CHST7: variants seen among roughly 807,000 people sequenced by gnomAD.
The protein encoded by CHST7 is N-acetylglucosamine 6-O-sulfotransferase 4.
In CHST7, 5 loss-of-function variants were observed where a neutral mutation model predicts 9.0. The ratio of observed to expected loss-of-function variants is 0.56; its 90% CI spans 0.29 to 1.17. The LOEUF (loss-of-function observed/expected upper bound fraction) is 1.17. Among genes scored for constraint, CHST7 ranks in the 50% most tolerant of loss-of-function variants. The pLI, the probability that CHST7 is intolerant of heterozygous loss-of-function variation, is 0.08. For synonymous variants in CHST7, 244 were observed against 237.1 expected, an observed-to-expected ratio of 1.03 and a Z score of -0.27; for missense variants, 377 against 485.1, an observed-to-expected ratio of 0.78 and a Z score of 2.09.
Position 46,574,042 on chromosome X carries a change from C to A in CHST7, c.111C>A (p.Asp37Glu), listed in dbSNP as rs771837285. 4 of 1,164,337 alleles carry A rather than the reference C, an allele frequency of 3.4e-6. No homozygotes were observed. The East Asian group carries it at 1.3e-4, about 37-fold the overall frequency. The change falls in exon 1 of 2, where the codon GAC becomes GAA. Residue 37 changes from aspartate to glutamate, a missense_variant. Asp to Glu is a conservative substitution (Grantham distance 45, BLOSUM62 2). Coordinates refer to ENST00000276055, the MANE Select transcript of CHST7 (RefSeq NM_019886.4). ...CCTCCGTATTGGACGGCGGCCGCGACGGGGACAAGGGCGCCGAGCACTGCC... is the reference window on the plus strand; with the variant it reads ...CCTCCGTATTGGACGGCGGCCGCGAAGGGGACAAGGGCGCCGAGCACTGCC... The part of the protein sequence containing the change: ...LVPSVLDGGR[D>E]GDKGAEHCPG...
At chrX:46,594,464 T>C (rs1421119955) in intron 1 of CHST7, among the ~76,000 whole-genome samples, 3 of 108,366 alleles carry the variant, frequency 2.8e-5, no homozygotes, top group African/African-American at 1.0e-4. Flanking sequence ...GAGGCGGAGG[T>C]TGCAGTGAGC....
chrX:46,579,091 C>G (rs1002775031), intron 1 of CHST7, among the ~76,000 whole-genome samples: 4 of 110,888 alleles, frequency 3.6e-5, no homozygotes, highest in Non-Finnish European at 7.5e-5. Context: ...GGTTCATCCC[C>G]TGGGCCAGAT....
intron 1 of CHST7, among the ~76,000 whole-genome samples, chrX:46,596,135 C>CAA (rs1173757914): frequency 7.7e-5 from 5 of 64,706 alleles, no homozygotes; most frequent in East Asian, 4.9e-4. Flanking sequence ...TAGACTCTGT[C>CAA]AAAAAAAAAA....
Position 46,575,410 on chromosome X carries a change from C to T in CHST7, c.*18C>T, listed in dbSNP as rs961173933. On this transcript the variant is annotated 3_prime_UTR_variant, in exon 1 of 2. Transcript: ENST00000276055. ...CCACGTAGCCTCCCATCCCTGTCCC[C>T]GGCACGGATCCGGGTAAGGTGGCCC... The T allele has an allele frequency of 7.8e-6, 8 of 1,020,605 alleles. No individual in the cohort carries two copies. The highest frequency in any genetic ancestry group is 5.1e-5 in the Admixed American group (1 of 19,651). The allele number at this position is 1,020,605 out of a possible 1,213,427, so 84.1% of individuals were successfully genotyped here.
intron 1 of CHST7, among the ~76,000 whole-genome samples, chrX:46,595,117 C>T (rs1039829092): frequency 8.9e-6 from 1 of 112,312 alleles, no homozygotes; most frequent in African/African-American, 3.2e-5. Context: ...AAAAATTATT[C>T]GCTGAGAATT....
chrX:46,574,327 G>T lies in CHST7; in HGVS notation c.396G>T (p.Glu132Asp). The change falls in exon 1 of 2, where the codon GAG becomes GAT. Residue 132 changes from glutamate (E) to aspartate (D), a missense_variant. Around this residue, in one of 3 missense-constraint regions of CHST7, gnomAD observed 239 missense variants for 325.7 expected, o/e 0.73. Coordinates refer to ENST00000276055, the MANE Select transcript of CHST7 (RefSeq NM_019886.4). ...NQHPDVFYLYEPMWHLWQALY... is the reference protein window; with the variant it reads ...NQHPDVFYLYDPMWHLWQALY... The stretch of plus-strand genomic sequence containing the variant: ...ACCCGGACGTTTTCTACTTGTATGA[G>T]CCCATGTGGCATCTATGGCAGGCGC... The T allele has an allele frequency of 8.3e-7, 1 of 1,211,298 alleles. No individual in the cohort carries two copies.
chrX:46,581,567 T>A (rs866735886), intron 1 of CHST7, among the ~76,000 whole-genome samples: 1 of 89,229 alleles, frequency 1.1e-5, no homozygotes, highest in Non-Finnish European at 2.2e-5. Flanking sequence ...GAAAAAAAAA[T>A]TGTAGAAATA....
rs778056647 is a variant in CHST7 at position 46,588,544 on chromosome X, C to G, written c.*32-9216C>G. Among the ~76,000 whole-genome samples the G allele has an allele frequency of 1.6e-3, 176 of 111,357 alleles. 1 individual carries two copies. Among genetic ancestry groups the G allele is most frequent in the African/African-American group, 5.4e-3 (166 of 30,647 alleles). Reference sequence around the variant, plus strand: ...GAGCCAAGTGCTTGCAATTCAGGCTCCATAGACCCAGAATGAACCCAGAAT... The same window carrying G: ...GAGCCAAGTGCTTGCAATTCAGGCTGCATAGACCCAGAATGAACCCAGAAT... On this transcript the variant is annotated intron_variant, in intron 1 of 1. Coordinates refer to ENST00000276055, the MANE Select transcript of CHST7 (RefSeq NM_019886.4).
chrX:46,587,755 G>A (rs1942556103), intron 1 of CHST7, among the ~76,000 whole-genome samples: 1 of 112,213 alleles, frequency 8.9e-6, no homozygotes, highest in South Asian at 3.6e-4. Context: ...ACTCATTTCC[G>A]TTTTCCTTGG....
Position 46,597,915 on chromosome X carries a change from A to G in CHST7, c.*187A>G, listed in dbSNP as rs991065912. ...TGAGCAGGAATATCATGAGCTGTTC[A>G]ATAATGACGGACGCATTGGTTGAGA... On this transcript the variant is annotated 3_prime_UTR_variant, in exon 2 of 2. Transcript: ENST00000276055. The G allele has an allele frequency of 8.8e-6, 1 of 113,100 alleles. No homozygotes were observed. The highest frequency in any genetic ancestry group is 3.2e-5 in the African/African-American group (1 of 31,097). 9.3% of individuals were successfully genotyped at this position (113,100 alleles called of 1,213,427 possible).
At position 46,585,750 on chromosome X, in the gene CHST7, A is replaced by G. The variant is rs185793527; in HGVS notation, c.*31+10327A>G. On this transcript the variant is annotated intron_variant, in intron 1 of 1. Transcript: ENST00000276055. Reference sequence around the variant, plus strand: ...TTACTTCATATTTATTTATGTATGTATTTATCTATTTTTGAGACGGAGTCT... The same window carrying G: ...TTACTTCATATTTATTTATGTATGTGTTTATCTATTTTTGAGACGGAGTCT... Among the ~76,000 whole-genome samples, 56 of 110,154 alleles carry G rather than the reference A, an allele frequency of 5.1e-4. No individual in the cohort carries two copies. In the East Asian group the frequency reaches 0.015, roughly 29 times the overall value.
At chrX:46,594,897 T>G (rs1465598570) in intron 1 of CHST7, among the ~76,000 whole-genome samples, 1 of 111,849 alleles carries the variant, frequency 8.9e-6, no homozygotes, top group Non-Finnish European at 1.9e-5. Context: ...AGATCATTTA[T>G]TATGGTTCCA....
At chrX:46,582,419 T>C (rs1942529620) in intron 1 of CHST7, among the ~76,000 whole-genome samples, 1 of 112,100 alleles carries the variant, frequency 8.9e-6, no homozygotes, top group Admixed American at 9.5e-5. Context: ...TTCAACAACA[T>C]AGATTTGATT....
chrX:46,576,396 A>G (rs1215789789), intron 1 of CHST7, among the ~76,000 whole-genome samples: 1 of 111,766 alleles, frequency 8.9e-6, no homozygotes, highest in East Asian at 2.8e-4. Flanking sequence ...TTGTGACTGC[A>G]GGAGGAGCTT....
At chrX:46,575,749 A>G (rs1942496517) in intron 1 of CHST7, among the ~76,000 whole-genome samples, 1 of 111,875 alleles carries the variant, frequency 8.9e-6, no homozygotes, top group African/African-American at 3.3e-5. Flanking sequence ...AAGGTTTGAA[A>G]CAGTCATAAT....
chrX:46,581,235 C>CAAAAAA (rs1165772615), intron 1 of CHST7, among the ~76,000 whole-genome samples: 1 of 66,961 alleles, frequency 1.5e-5, no homozygotes, highest in African/African-American at 5.1e-5. Flanking sequence ...ACTCTGTCTC[C>CAAAAAA]AAAAAAAAAA....
chrX:46,594,396 C>T (rs939184624), intron 1 of CHST7, among the ~76,000 whole-genome samples: 5 of 110,079 alleles, frequency 4.5e-5, no homozygotes, highest in Admixed American at 2.9e-4. Flanking sequence ...GGTGTGGTGA[C>T]GGGCACCTGT....
At position 46,574,700 on chromosome X, in the gene CHST7, C is replaced by G. The variant is rs780129932; in HGVS notation, c.769C>G (p.Leu257Val). The stretch of plus-strand genomic sequence containing the variant: ...CATCAAGGACGTGCGCCTGCTCGAT[C>G]TGGGCGTGCTGGTGCCCCTGTTGCG... ...VVIKDVRLLDLGVLVPLLRDP... is the reference protein window; with the variant it reads ...VVIKDVRLLDVGVLVPLLRDP... The change falls in exon 1 of 2, where the codon CTG becomes GTG. Residue 257 changes from leucine (L) to valine (V), a missense_variant. Around this residue, in one of 3 missense-constraint regions of CHST7, gnomAD observed 239 missense variants for 325.7 expected, o/e 0.73. Transcript: ENST00000276055. The G allele has an allele frequency of 8.3e-7, 1 of 1,209,334 alleles. No individual in the cohort carries two copies. The highest frequency in any genetic ancestry group is 1.1e-6 in the Non-Finnish European group (1 of 894,213).
intron 1 of CHST7, among the ~76,000 whole-genome samples, chrX:46,587,227 C>T (rs956583121): frequency 1.8e-5 from 2 of 110,812 alleles, no homozygotes; most frequent in Admixed American, 9.6e-5. Flanking sequence ...GAATGACTCA[C>T]GTGGATTGAG....
Sources: allele counts gnomAD v4.1 joint callset (sites outside exome capture counted in the v4.1 genomes callset), GRCh38; gene constraint gnomAD v4.1.1; regional missense constraint gnomAD v4.1.1; transcripts MANE v1.5; gene names NCBI Gene and HGNC (gene_info 2026-07-23, HGNC 2026-07-21).